GALNT3: variants seen among roughly 807,000 people sequenced by gnomAD.
GALNT3 encodes GalNAc transferase 3.
A neutral mutation model predicts 69.8 loss-of-function variants in GALNT3; 51 were observed. The observed-to-expected ratio is 0.73, with a 90% CI of 0.58 to 0.92. GALNT3 has a LOEUF of 0.92. GALNT3 is among the 40% of genes least tolerant of loss of function. The pLI is 0.00. For missense variants in GALNT3, 711 were observed against 760.0 expected (o/e 0.94, Z 0.76); for synonymous variants, 265 against 248.5 (o/e 1.07, Z -0.63).
chr2:165,784,189 C>T (rs566183198), intron 1 of GALNT3, among the ~76,000 whole-genome samples: 1 of 152,228 alleles, frequency 6.6e-6, no homozygotes, highest in African/African-American at 2.4e-5. Context: ...ATGCCAAGCT[C>T]CAAATAGGGG....
intron 4 of GALNT3, chr2:165,761,647 C>G (rs2105409984): frequency 1.5e-6 from 1 of 660,934 alleles, no homozygotes; most frequent in Non-Finnish European, 2.7e-6. Context: ...GGATAACTGG[C>G]TGGAACAGCT....
intron 2 of GALNT3, 105 bp downstream of exon 2, chr2:165,770,081 T>A: frequency 7.7e-7 from 1 of 1,294,940 alleles, no homozygotes; most frequent in Admixed American, 1.9e-5. Context: ...TTTGCTGATT[T>A]TCTGCCTTAG....
intron 4 of GALNT3, among the ~76,000 whole-genome samples, chr2:165,761,116 TA>T (rs35674334): frequency 1.0e-4 from 15 of 147,802 alleles, no homozygotes; most frequent in African/African-American, 1.5e-4. Context: ...TCTGCAAATT[TA>T]AAAAAAAAAA....
At chr2:165,786,354 C>G (rs1377324090) in intron 1 of GALNT3, among the ~76,000 whole-genome samples, 3 of 151,976 alleles carry the variant, frequency 2.0e-5, no homozygotes, top group Non-Finnish European at 4.4e-5. Flanking sequence ...TTTTAATAAC[C>G]CTATTTTACT....
chr2:165,780,945 C>A (rs947545877), intron 1 of GALNT3, among the ~76,000 whole-genome samples: 9 of 152,134 alleles, frequency 5.9e-5, no homozygotes, highest in African/African-American at 1.7e-4. Flanking sequence ...ACATGATAAC[C>A]TGACACTCCA....
chr2:165,788,466 G>GTT (rs1553496966), intron 1 of GALNT3, among the ~76,000 whole-genome samples: 3 of 139,530 alleles, frequency 2.2e-5, no homozygotes, highest in African/African-American at 8.0e-5. Flanking sequence ...AATCCAAAAG[G>GTT]GTGTGTGTGT....
At chr2:165,789,573 C>T (rs1683298570) in intron 1 of GALNT3, among the ~76,000 whole-genome samples, 2 of 152,134 alleles carry the variant, frequency 1.3e-5, no homozygotes. Flanking sequence ...CAAATCTCTG[C>T]AGCAAAATAT....
chr2:165,754,841 TAAAG>T, intron 8 of GALNT3, 87 bp downstream of exon 8: 7 of 1,451,516 alleles, frequency 4.8e-6, no homozygotes, highest in South Asian at 2.4e-5. Context: ...TCAAAAGCAA[TAAAG>T]AAAGTATTTC....
At chr2:165,788,331 A>G (rs1387860775) in intron 1 of GALNT3, among the ~76,000 whole-genome samples, 1 of 151,402 alleles carries the variant, frequency 6.6e-6, no homozygotes, top group Non-Finnish European at 1.5e-5. Flanking sequence ...AAAAAAAAAA[A>G]AAAAAAAGGC....
chr2:165,759,009 T>C lies in GALNT3; in HGVS notation c.1074-145A>G, dbSNP rs945266102. 4 of 695,274 alleles carry C rather than the reference T, an allele frequency of 5.8e-6. No homozygotes were observed. In the Admixed American group the frequency reaches 1.0e-4, roughly 18 times the overall value. The allele number at this position is 695,274 out of a possible 1,614,324, so 43.1% of individuals were successfully genotyped here. A position where few individuals can be genotyped will look rare whatever the true frequency, so the allele number is the denominator to read the frequency against. ...TTAATAAAAACTAGAAATGCTATCT[T>C]CAAAGTCAAGATTTTTGGGGTCGGG... is the stretch of plus-strand genomic sequence containing the variant. On this transcript the variant is annotated intron_variant, in intron 5 of 10. Transcript: ENST00000392701.
chr2:165,762,136 C>A, intron 3 of GALNT3, 82 bp from the exon 4 acceptor site: 1 of 1,018,158 alleles, frequency 9.8e-7, no homozygotes, highest in Non-Finnish European at 1.5e-6. Context: ...AACCACAGAG[C>A]AATGATCCTT....
chr2:165,760,145 T>C (rs1350521651), intron 4 of GALNT3, among the ~76,000 whole-genome samples: 1 of 152,232 alleles, frequency 6.6e-6, no homozygotes, highest in Non-Finnish European at 1.5e-5. Flanking sequence ...AGGTAGCTTT[T>C]TGCTGTTCCA....
chr2:165,760,114 T>C (rs909332437), intron 4 of GALNT3, among the ~76,000 whole-genome samples: 1 of 152,182 alleles, frequency 6.6e-6, no homozygotes, highest in African/African-American at 2.4e-5. Context: ...AGATGATGTG[T>C]TAAAATGGCC....
intron 9 of GALNT3, among the ~76,000 whole-genome samples, chr2:165,750,437 A>G (rs1207968502): frequency 2.6e-5 from 4 of 152,130 alleles, no homozygotes; most frequent in Non-Finnish European, 4.4e-5. Flanking sequence ...CATTTTAGCT[A>G]TTGTTACTAC....
At chr2:165,759,219 A>G (rs775887046) in intron 5 of GALNT3, 117 bp downstream of exon 5, 6 of 820,812 alleles carry the variant, frequency 7.3e-6, no homozygotes, top group Non-Finnish European at 1.2e-5. Flanking sequence ...CTTTATATAG[A>G]ATATGTGTGT....
chr2:165,775,530 T>C (rs969062804), intron 1 of GALNT3, among the ~76,000 whole-genome samples: 4 of 152,190 alleles, frequency 2.6e-5, no homozygotes, highest in African/African-American at 4.8e-5. Flanking sequence ...GATTCCAACA[T>C]TGATGGGATT....
rs1425885417 is a variant in GALNT3, at chr2:165,749,761, T to C, written c.1760A>G (p.Gln587Arg). Residue 587 changes from glutamine to arginine, a missense_variant, in exon 10 of 11, where the codon CAG becomes CGG. Physicochemically the swap from Gln to Arg is conservative, Grantham distance 43. Transcript: ENST00000392701. The stretch of plus-strand genomic sequence containing the variant: ...AGGTACCTTCTGGATCTCCCATATC[T>C]GCTCTCCAGTGACAACTGTCTTGTG... ...KGHKTVVTGEQIWEIQKDQLL... is the reference protein window; with the variant it reads ...KGHKTVVTGERIWEIQKDQLL... The C allele has an allele frequency of 6.2e-7, 1 of 1,613,578 alleles. No individual in the cohort carries two copies. The highest frequency in any genetic ancestry group is 1.1e-5 in the South Asian group (1 of 91,076).
At position 165,759,586 on chromosome 2, in the gene GALNT3, T is replaced by G. The variant is rs200512146; in HGVS notation, c.839-16A>C. ...AAACACTCACCTGGAGGGAACAGAA[T>G]TTTAATTAATTCAATAAAAACATTG... is the stretch of plus-strand genomic sequence containing the variant. On this transcript the variant is annotated splice_polypyrimidine_tract_variant and intron_variant, in intron 4 of 10. Coordinates refer to ENST00000392701, the MANE Select transcript of GALNT3 (RefSeq NM_004482.4). The G allele has an allele frequency of 2.2e-4, 342 of 1,576,092 alleles. 1 individual carries two copies. Among genetic ancestry groups the G allele is most frequent in the Non-Finnish European group, 1.2e-4 (139 of 1,146,616 alleles).
chr2:165,762,056 T>C lies in GALNT3; in HGVS notation c.689-2A>G, dbSNP rs891991167. 2.0e-6 allele frequency: 3 copies of C among 1,531,492 alleles called. No individual in the cohort carries two copies. Among genetic ancestry groups the C allele is most frequent in the Middle Eastern group, 1.9e-4 (1 of 5,318 alleles). The allele number at this position is 1,531,492 out of a possible 1,614,324, so 94.9% of individuals were successfully genotyped here. ...CATCTAGTTTATCATGTAAGTACTCTGTAAGGAAAAAAAATCAGGGTTAAT... is the reference window on the plus strand; with the variant it reads ...CATCTAGTTTATCATGTAAGTACTCCGTAAGGAAAAAAAATCAGGGTTAAT... On this transcript the variant is annotated splice_acceptor_variant, in intron 3 of 10. Coordinates refer to ENST00000392701, the MANE Select transcript of GALNT3 (RefSeq NM_004482.4). LOFTEE classifies it high-confidence loss of function.
Sources: gnomAD v4.1 joint callset for allele counts (sites outside exome capture counted in the v4.1 genomes callset) on GRCh38, gnomAD v4.1.1 for gene constraint, MANE v1.5 for transcripts, NCBI Gene and HGNC (gene_info 2026-07-23, HGNC 2026-07-21) for gene names.